The following TP53BP2 variants were observed in gnomAD, a reference collection of about 807,000 sequenced individuals.
The protein encoded by TP53BP2 is tumor protein p53 binding protein 2.
Under a neutral mutation model 126.2 loss-of-function variants are expected in TP53BP2, and 62 were observed. The ratio of observed to expected loss-of-function variants is 0.49; its 90% confidence interval spans 0.40 to 0.61. The LOEUF (loss-of-function observed/expected upper bound fraction) is 0.61, where lower values mean the gene tolerates loss of function less well. TP53BP2 is among the 20% of genes least tolerant of loss of function. TP53BP2 has a pLI of 0.00. For missense variants in TP53BP2, 1,215 were observed against 1,402.8 expected, an observed-to-expected ratio of 0.87 and a Z score of 2.14; for synonymous variants, 485 against 502.9, an observed-to-expected ratio of 0.96 and a Z score of 0.48.
intron 3 of TP53BP2, 102 bp from the exon 4 acceptor site, chr1:223,810,615 G>A: frequency 2.5e-6 from 2 of 812,468 alleles, no homozygotes; most frequent in East Asian, 2.7e-5. Flanking sequence ...GATATTTTAA[G>A]TTGAATGTAT....
intron 6 of TP53BP2, 97 bp from the exon 7 acceptor site, chr1:223,803,549 C>G (rs965638157): frequency 2.0e-5 from 25 of 1,227,978 alleles, no homozygotes; most frequent in Non-Finnish European, 2.4e-5. Context: ...TTCTAATAAA[C>G]AGTAGAAAAA....
Position 223,793,443 on chromosome 1 carries a change from G to A in TP53BP2, c.2725-3C>T. The A allele has an allele frequency of 6.4e-7, 1 of 1,566,084 alleles. No homozygotes were observed. The highest frequency in any genetic ancestry group is 1.2e-5 in the South Asian group (1 of 81,702). ...TTACGCAAGTTTGTCCTTTTACCCT[G>A]CAAAGAAAATGGGTGGAAAATTTAG... On this transcript the variant is annotated splice_polypyrimidine_tract_variant and splice_region_variant and intron_variant, in intron 13 of 17. Transcript: ENST00000343537.
chr1:223,800,921 C>A, intron 9 of TP53BP2, 111 bp from the exon 10 acceptor site: 1 of 659,068 alleles, frequency 1.5e-6, no homozygotes, highest in South Asian at 1.9e-5. Context: ...TCCAGACTCA[C>A]AACACCCCAA....
Position 223,796,437 on chromosome 1 carries a change from C to G in TP53BP2, c.2102G>C (p.Arg701Pro), listed in dbSNP as rs1662324181. The G allele has an allele frequency of 6.2e-7, 1 of 1,613,948 alleles. No homozygotes were observed. The part of the protein sequence containing the change: ...QENHENERIP[R>P]PLSPTKLLPF... ...CAGTAATTTAGTTGGGCTGAGTGGC[C>G]GAGGAATTCTTTCGTTTTCATGGTT... The change falls in exon 13 of 18, where the codon CGG (arginine) becomes CCG (proline). Residue 701 changes from arginine (R) to proline (P), a missense_variant. This residue lies in a region of TP53BP2 where 46 missense variants were observed against 93.0 expected (regional missense o/e 0.49). Transcript: ENST00000343537. The surrounding 1 kb of genome is among the most constrained non-coding windows in gnomAD (Gnocchi z 4.2).
chr1:223,814,947 G>C (rs1056888317), intron 2 of TP53BP2, among the ~76,000 whole-genome samples: 22 of 151,810 alleles, frequency 1.4e-4, no homozygotes, highest in African/African-American at 5.3e-4. Context: ...AATTTTTCTG[G>C]AAACAAAAAG....
In TP53BP2 at chr1:223,789,135, T is replaced by C. The variant is rs554813961; in HGVS notation, c.3036A>G (p.Gln1012=). ...LHCAASCNNV[Q]VCKFLVESGA... ...CTGACTCCACCAAAAACTTACACACTTGGACGTTGTTACATGAGGCAGCAC... is the reference window on the plus strand; with the variant it reads ...CTGACTCCACCAAAAACTTACACACCTGGACGTTGTTACATGAGGCAGCAC... Residue 1012 remains glutamine (Q), a synonymous_variant, in exon 16 of 18, where the codon CAA becomes CAG. Transcript: ENST00000343537. 1.6e-5 allele frequency: 26 copies of C among 1,614,146 alleles called. No individual in the cohort carries two copies. In the African/African-American group the frequency reaches 3.1e-4, roughly 19 times the overall value.
intron 16 of TP53BP2, among the ~76,000 whole-genome samples, chr1:223,787,198 C>A (rs1175627840): frequency 6.6e-6 from 1 of 152,090 alleles, no homozygotes. Flanking sequence ...ACCCGGCCAA[C>A]ACATTATACC....
At chr1:223,786,581 C>CATGTGTGTGTGTGTGT (rs1553258004) in intron 16 of TP53BP2, among the ~76,000 whole-genome samples, 2 of 144,586 alleles carry the variant, frequency 1.4e-5, no homozygotes, top group African/African-American at 5.1e-5. Flanking sequence ...TGCGTGTGTG[C>CATGTGTGTGTGTGTGT]GTGTGTGTGT....
chr1:223,825,026 A>AACACACACACACACACACACACACAC lies in TP53BP2; in HGVS notation c.28-3685_28-3660dup, dbSNP rs3058420. On this transcript the variant is annotated intron_variant, in intron 1 of 17. Coordinates refer to ENST00000343537, the MANE Select transcript of TP53BP2 (RefSeq NM_001031685.3). ...AACCCTACCTAGAATTCCAACACCA[A>AACACACACACACACACACACACACAC]ACACACACACACACACACACACACA... 1.1e-3 allele frequency among the ~76,000 whole-genome samples: 152 copies of AACACACACACACACACACACACACAC among 143,542 alleles called. 1 individual carries two copies. Among genetic ancestry groups the AACACACACACACACACACACACACAC allele is most frequent in the African/African-American group, 3.5e-3 (134 of 38,350 alleles). The allele number at this position is 143,542 out of a possible 152,430, so 94.2% of individuals were successfully genotyped here. A position where few individuals can be genotyped will look rare whatever the true frequency, so the allele number is the denominator to read the frequency against.
intron 1 of TP53BP2, among the ~76,000 whole-genome samples, chr1:223,825,054 C>CACACACACACACACACACACA (rs1553262580): frequency 4.6e-5 from 7 of 151,220 alleles, no homozygotes; most frequent in African/African-American, 1.7e-4. Flanking sequence ...CACACACACA[C>CACACACACACACACACACACA]CCTAGCCCAT....
At position 223,845,669 on chromosome 1, in the gene TP53BP2, C is replaced by T; in HGVS notation, c.12G>A (p.Gly4=). MRF[G]SKMMPMFLTV... ...GCCCACTTACCGGCATCATCTTGGA[C>T]CCGAACCGCATGGAAGCGGGTGGCC... is the stretch of plus-strand genomic sequence containing the variant. Residue 4 remains glycine, a synonymous_variant, in exon 1 of 18, where the codon GGG becomes GGA. Coordinates refer to ENST00000343537, the MANE Select transcript of TP53BP2 (RefSeq NM_001031685.3). The T allele has an allele frequency of 6.4e-7, 1 of 1,552,328 alleles. No homozygotes were observed. Among genetic ancestry groups the T allele is most frequent in the East Asian group, 2.6e-5 (1 of 38,424 alleles).
intron 2 of TP53BP2, among the ~76,000 whole-genome samples, chr1:223,816,980 C>CA (rs1370155574): frequency 6.6e-6 from 1 of 150,836 alleles, no homozygotes; most frequent in African/African-American, 2.4e-5. Context: ...GGCAACATAG[C>CA]AAAACCCCAT....
chr1:223,828,733 A>G (rs1663590657), intron 1 of TP53BP2, among the ~76,000 whole-genome samples: 1 of 152,242 alleles, frequency 6.6e-6, no homozygotes, highest in East Asian at 1.9e-4. Flanking sequence ...GCCAGACATG[A>G]AAGACCACAT....
At chr1:223,791,259 T>C (rs1662146067) in intron 15 of TP53BP2, among the ~76,000 whole-genome samples, 1 of 147,218 alleles carries the variant, frequency 6.8e-6, no homozygotes. Context: ...AGACCCTGTC[T>C]CTACAAAAAT....
intron 1 of TP53BP2, among the ~76,000 whole-genome samples, chr1:223,822,502 C>T (rs1663346741): frequency 6.6e-6 from 1 of 151,962 alleles, no homozygotes; most frequent in African/African-American, 2.4e-5. Flanking sequence ...TCCGTTTCTA[C>T]CAAAAATTAA....
At position 223,796,529 on chromosome 1, in the gene TP53BP2, A is replaced by G. The variant is rs1662329238; in HGVS notation, c.2010T>C (p.Tyr670=). ...TGCCAGGCTTGCCCTGGCTATTGGA[A>G]TAAATGTTCTCTGGGTGCTGCTGTT... ...QNQQQHPENI[Y]SNSQGKPGSP... The change falls in exon 13 of 18, where the codon TAT becomes TAC. Residue 670 remains tyrosine, a synonymous_variant. Transcript: ENST00000343537. This position sits in a 1 kb window ranked among gnomAD's most constrained non-coding sequence, Gnocchi z 4.2. 6.2e-6 allele frequency: 10 copies of G among 1,613,968 alleles called. No homozygotes were observed. Among genetic ancestry groups the G allele is most frequent in the African/African-American group, 1.3e-5 (1 of 74,902 alleles).
At chr1:223,803,151 C>A (rs1013395512) in intron 7 of TP53BP2, 120 bp downstream of exon 7, 94 of 1,273,018 alleles carry the variant, frequency 7.4e-5, no homozygotes, top group Admixed American at 7.2e-4. Flanking sequence ...GGGTTCCCCC[C>A]ACAACCTGCC....
In TP53BP2 at chr1:223,798,291, C is replaced by A. The variant is rs760324882; in HGVS notation, c.1872G>T (p.Ala624=). ...SIYSMYTQQQ[A]PGKNFQQAVQ... The stretch of plus-strand genomic sequence containing the variant: ...CAGCCTGCTGGAAGTTTTTTCCTGG[C>A]GCCTGCTGTTGCGTATACATGGAAT... Residue 624 remains alanine (A), a synonymous_variant, in exon 12 of 18, where the codon GCG becomes GCT. Transcript: ENST00000343537. 3.1e-6 allele frequency: 5 copies of A among 1,614,004 alleles called. No individual in the cohort carries two copies. The African/African-American group carries it at 5.3e-5, about 17-fold the overall frequency.
intron 2 of TP53BP2, among the ~76,000 whole-genome samples, chr1:223,819,094 G>A (rs1468477912): frequency 1.3e-5 from 2 of 151,404 alleles, no homozygotes. Flanking sequence ...TGAGGCAGGA[G>A]AATTGCTTGA....
Sources: gnomAD v4.1 joint callset for allele counts (sites outside exome capture counted in the v4.1 genomes callset) on GRCh38, gnomAD v4.1.1 for gene constraint, gnomAD v4.1.1 regional missense constraint, Gnocchi (gnomAD v3.1) non-coding constraint, MANE v1.5 for transcripts, NCBI Gene and HGNC (gene_info 2026-07-23, HGNC 2026-07-21) for gene names.